Variants in RICTOR observed in about 807,000 individuals in gnomAD.
The protein encoded by RICTOR is RPTOR independent companion of MTOR complex 2.
Under a neutral mutation model 214.9 loss-of-function variants are expected in RICTOR, and 49 were observed. The observed-to-expected ratio is 0.23, with a 90% CI of 0.18 to 0.29. The LOEUF (loss-of-function observed/expected upper bound fraction) is 0.29, where lower values mean the gene tolerates loss of function less well. RICTOR is among the 10% of genes least tolerant of loss of function. The pLI is 1.00. For missense variants in RICTOR, 1,625 were observed against 2,047.0 expected, an observed-to-expected ratio of 0.79 and a Z score of 3.98; for synonymous variants, 717 against 711.3, an observed-to-expected ratio of 1.01 and a Z score of -0.13.
At chr5:39,017,332 T>C (rs1329802172) in intron 3 of RICTOR, among the ~76,000 whole-genome samples, 1 of 152,106 alleles carries the variant, frequency 6.6e-6, no homozygotes, top group Admixed American at 6.6e-5. Flanking sequence ...GAAATAAAAC[T>C]ATAAAATTTA....
Position 39,074,381 on chromosome 5 carries a change from G to A in RICTOR, c.-4C>T, listed in dbSNP as rs1335699402. ...GGCCGCGGCCGATCGCCGCCATATT[G>A]ACGGGTTTCAGTCACAACACCGGAA... On this transcript the variant is annotated 5_prime_UTR_variant, in exon 1 of 38. Transcript: ENST00000357387. The A allele has an allele frequency of 1.3e-6, 2 of 1,539,290 alleles. No homozygotes were observed. Among genetic ancestry groups the A allele is most frequent in the Admixed American group, 2.0e-5 (1 of 49,648 alleles).
intron 30 of RICTOR, 23 bp downstream of exon 30, chr5:38,952,173 T>C (rs1748847315): frequency 3.0e-6 from 4 of 1,343,306 alleles, no homozygotes; most frequent in Admixed American, 1.7e-5. Context: ...GCTAACTTTA[T>C]ATGAACCTGT....
chr5:38,945,472 G>T lies in RICTOR; in HGVS notation c.4633+19C>A. ...TAGTCATCACTAGGTTTTTCTGAAG[G>T]TGGGACGTGATCACTTACCTGAATG... On this transcript the variant is annotated intron_variant, in intron 34 of 37. Coordinates refer to ENST00000357387, the MANE Select transcript of RICTOR (RefSeq NM_152756.5). The T allele has an allele frequency of 6.6e-7, 1 of 1,519,136 alleles. No individual in the cohort carries two copies. The highest frequency in any genetic ancestry group is 9.1e-7 in the Non-Finnish European group (1 of 1,097,162). The allele number at this position is 1,519,136 out of a possible 1,614,324, so 94.1% of individuals were successfully genotyped here.
chr5:38,954,044 A>G (rs1749023626), intron 27 of RICTOR, among the ~76,000 whole-genome samples: 1 of 151,846 alleles, frequency 6.6e-6, no homozygotes, highest in African/African-American at 2.4e-5. Context: ...TACTTGTCCC[A>G]ACAGTTTTCA....
At chr5:39,051,082 C>G (rs1318788811) in intron 2 of RICTOR, among the ~76,000 whole-genome samples, 1 of 151,992 alleles carries the variant, frequency 6.6e-6, no homozygotes, top group Non-Finnish European at 1.5e-5. Context: ...CACACACACA[C>G]ACGCGGCATA....
chr5:38,944,399 TAAAA>T, intron 36 of RICTOR, 43 bp downstream of exon 36: 1 of 1,568,778 alleles, frequency 6.4e-7, no homozygotes, highest in Non-Finnish European at 8.6e-7. Flanking sequence ...TTTCTCGACT[TAAAA>T]AACAGAATAA....
intron 2 of RICTOR, among the ~76,000 whole-genome samples, chr5:39,071,563 G>C (rs1759324927): frequency 6.6e-6 from 1 of 152,162 alleles, no homozygotes; most frequent in South Asian, 2.1e-4. Context: ...TTAACCCTTT[G>C]AAGTTATCTC....
At chr5:38,971,111 G>A (rs1750744813) in intron 11 of RICTOR, 2 of 152,206 alleles carry the variant, frequency 1.3e-5, no homozygotes, top group African/African-American at 2.4e-5. Context: ...AGGTTTAAGT[G>A]ATTCTCCTGC....
intron 2 of RICTOR, among the ~76,000 whole-genome samples, chr5:39,047,617 A>G (rs1310597202): frequency 6.6e-6 from 1 of 152,220 alleles, no homozygotes; most frequent in Non-Finnish European, 1.5e-5. Context: ...ACCTATTCAA[A>G]AACTATTATT....
intron 10 of RICTOR, among the ~76,000 whole-genome samples, chr5:38,974,399 T>A (rs933998280): frequency 6.6e-6 from 1 of 151,398 alleles, no homozygotes; most frequent in African/African-American, 2.4e-5. Context: ...TAAAAAAAAA[T>A]GTTTAAGAGC....
rs116476240 is a variant in RICTOR, at chr5:38,995,240, A to T, written c.456+1579T>A. Among the ~76,000 whole-genome samples the T allele has an allele frequency of 5.4e-3, 823 of 152,346 alleles. 9 individuals are homozygous for T. The highest frequency in any genetic ancestry group is 0.019 in the African/African-American group (782 of 41,572). The stretch of plus-strand genomic sequence containing the variant: ...TGGAATATTACTCAGCCATAAAAGC[A>T]ATTGAAATAATGTCTTTTGAAGCAA... On this transcript the variant is annotated intron_variant, in intron 6 of 37. Transcript: ENST00000357387.
intron 2 of RICTOR, among the ~76,000 whole-genome samples, chr5:39,053,879 A>C (rs1758018881): frequency 7.5e-6 from 1 of 133,350 alleles, no homozygotes; most frequent in Non-Finnish European, 1.6e-5. Flanking sequence ...GGCGACAGCG[A>C]GACTCCGTCT....
rs140341392 is a variant in RICTOR, at chr5:38,976,208, G to T, written c.822-604C>A. Among the ~76,000 whole-genome samples, 55 of 152,160 alleles carry T rather than the reference G, an allele frequency of 3.6e-4. 1 individual carries two copies. In the East Asian group the frequency reaches 9.8e-3, roughly 27 times the overall value. On this transcript the variant is annotated intron_variant, in intron 9 of 37. Coordinates refer to ENST00000357387, the MANE Select transcript of RICTOR (RefSeq NM_152756.5). ...ATCTATTAAACATTTTTCATGGTTG[G>T]CTTATGGCCAGTTTCAATACTTAAT...
intron 16 of RICTOR, among the ~76,000 whole-genome samples, chr5:38,963,725 T>C (rs1448556320): frequency 6.6e-6 from 1 of 151,914 alleles, no homozygotes; most frequent in Non-Finnish European, 1.5e-5. Context: ...TTACTGGAAT[T>C]CTGAAGATAA....
Position 38,950,035 on chromosome 5 carries a change from C to T in RICTOR, c.3813G>A (p.Thr1271=), listed in dbSNP as rs774201167. Reference sequence around the variant, plus strand: ...AGAGAGACAGATGGTTAGACTGTGGCGTCAAATAGTGGCTTGTCTTAATAG... The same window carrying T: ...AGAGAGACAGATGGTTAGACTGTGGTGTCAAATAGTGGCTTGTCTTAATAG... ...TKTIKTSHYL[T]PQSNHLSLSK... is the part of the protein sequence containing the mutation. Residue 1271 remains threonine (T), a synonymous_variant, in exon 31 of 38, where the codon ACG becomes ACA. Transcript: ENST00000357387. 4.9e-5 allele frequency: 79 copies of T among 1,613,192 alleles called. No individual in the cohort carries two copies. Among genetic ancestry groups the T allele is most frequent in the African/African-American group, 1.9e-4 (14 of 74,806 alleles).
chr5:39,000,415 T>C (rs1442488826), intron 5 of RICTOR, among the ~76,000 whole-genome samples: 1 of 151,850 alleles, frequency 6.6e-6, no homozygotes, highest in African/African-American at 2.4e-5. Flanking sequence ...CAAAAATCTA[T>C]AAAATATTAG....
At chr5:39,016,507 T>C (rs1754963675) in intron 3 of RICTOR, among the ~76,000 whole-genome samples, 1 of 151,626 alleles carries the variant, frequency 6.6e-6, no homozygotes, top group Non-Finnish European at 1.5e-5. Flanking sequence ...GTGGAGCGAA[T>C]AACTTAGTGA....
At position 38,953,061 on chromosome 5, in the gene RICTOR, T is replaced by C; in HGVS notation, c.2821A>G (p.Asn941Asp). The change falls in exon 29 of 38, where the codon AAT (asparagine) becomes GAT (aspartate). Residue 941 changes from asparagine to aspartate, a missense_variant. Physicochemically the swap from Asn to Asp is conservative, Grantham distance 23 (BLOSUM62 1). Transcript: ENST00000357387. Reference sequence around the variant, plus strand: ...ATCACGTTTTCTTCCTGTAGCAAATTGAGACCCCAATTTGATGAGCCGATA... The same window carrying C: ...ATCACGTTTTCTTCCTGTAGCAAATCGAGACCCCAATTTGATGAGCCGATA... ...GNIGSSNWGLNLLQEENVIPD... is the reference protein window; with the variant it reads ...GNIGSSNWGLDLLQEENVIPD... 6.2e-7 allele frequency: 1 copy of C among 1,608,630 alleles called. No individual in the cohort carries two copies. The highest frequency in any genetic ancestry group is 8.5e-7 in the Non-Finnish European group (1 of 1,176,256).
intron 2 of RICTOR, among the ~76,000 whole-genome samples, chr5:39,033,718 G>A (rs890581886): frequency 6.6e-6 from 1 of 152,128 alleles, no homozygotes; most frequent in Non-Finnish European, 1.5e-5. Context: ...GCACTGAAAA[G>A]CAACCTATTG....
Sources: allele counts gnomAD v4.1 joint callset (sites outside exome capture counted in the v4.1 genomes callset), GRCh38; gene constraint gnomAD v4.1.1; transcripts MANE v1.5; gene names NCBI Gene and HGNC (gene_info 2026-07-23, HGNC 2026-07-21).